Variants in ANKRD39 observed in about 807,000 individuals in gnomAD.
ANKRD39 encodes the protein ankyrin repeat domain-containing protein 39.
A neutral mutation model predicts 20.3 loss-of-function variants in ANKRD39; 18 were observed. The observed-to-expected ratio is 0.89, with a 90% CI of 0.61 to 1.32. The LOEUF is 1.32. ANKRD39 is among the 40% of genes most tolerant of loss of function. The pLI, the probability that ANKRD39 is intolerant of heterozygous loss-of-function variation, is 0.00. For missense variants in ANKRD39, 243 were observed against 250.7 expected, an observed-to-expected ratio of 0.97 and a Z score of 0.21; for synonymous variants, 106 against 111.9, an observed-to-expected ratio of 0.95 and a Z score of 0.33.
At chr2:96,855,498 G>A (rs1038360517) in intron 1 of ANKRD39, among the ~76,000 whole-genome samples, 4 of 152,206 alleles carry the variant, frequency 2.6e-5, no homozygotes, top group African/African-American at 9.6e-5. Flanking sequence ...GCCGAGGCGG[G>A]TGGATCACGA....
intron 3 of ANKRD39, among the ~76,000 whole-genome samples, chr2:96,849,752 A>G (rs756781990): frequency 5.3e-5 from 8 of 152,138 alleles, no homozygotes; most frequent in Admixed American, 1.3e-4. Flanking sequence ...TGGCCTCCCA[A>G]AGTGCTGGGA....
intron 3 of ANKRD39, among the ~76,000 whole-genome samples, chr2:96,849,759 G>C (rs899859140): frequency 6.6e-6 from 1 of 152,154 alleles, no homozygotes; most frequent in Non-Finnish European, 1.5e-5. Flanking sequence ...CCAAAGTGCT[G>C]GGATTATAGG....
At chr2:96,857,650 A>C (rs1574137742) in intron 1 of ANKRD39, among the ~76,000 whole-genome samples, 1 of 152,208 alleles carries the variant, frequency 6.6e-6, no homozygotes, top group Admixed American at 6.5e-5. Flanking sequence ...GGTTACGGAA[A>C]CCAGTGCTTC....
rs897352200 is a variant in ANKRD39 at position 96,848,017 on chromosome 2, G to T, written c.*284C>A. The T allele has an allele frequency of 7.5e-5, 21 of 279,720 alleles. No homozygotes were observed. Among genetic ancestry groups the T allele is most frequent in the African/African-American group, 4.3e-4 (20 of 46,776 alleles). The allele number at this position is 279,720 out of a possible 1,614,324, so 17.3% of individuals were successfully genotyped here. ...TTTTTATATTTAGATCTTTAATCTT[G>T]CAATTTATCTTTGGGTGTGGGATGA... On this transcript the variant is annotated 3_prime_UTR_variant, in exon 4 of 4. Coordinates refer to ENST00000393537, the MANE Select transcript of ANKRD39 (RefSeq NM_016466.6).
chr2:96,853,352 A>C (rs1447127731), intron 3 of ANKRD39, 49 bp downstream of exon 3: 1 of 1,531,890 alleles, frequency 6.5e-7, no homozygotes, highest in Non-Finnish European at 8.9e-7. Flanking sequence ...AACATGTTAT[A>C]ACTTTAAAAA....
chr2:96,850,073 C>G (rs1474341137), intron 3 of ANKRD39, among the ~76,000 whole-genome samples: 2 of 152,226 alleles, frequency 1.3e-5, no homozygotes, highest in Non-Finnish European at 1.5e-5. Context: ...GATTCTAAAC[C>G]AGGTTTGCCT....
intron 1 of ANKRD39, among the ~76,000 whole-genome samples, chr2:96,857,603 T>C (rs1273029309): frequency 6.6e-6 from 1 of 152,248 alleles, no homozygotes; most frequent in Non-Finnish European, 1.5e-5. Flanking sequence ...AGCAGGCTTG[T>C]GTCTCCCAGG....
At chr2:96,851,499 C>T (rs1432790987) in intron 3 of ANKRD39, among the ~76,000 whole-genome samples, 3 of 152,098 alleles carry the variant, frequency 2.0e-5, no homozygotes, top group Non-Finnish European at 2.9e-5. Flanking sequence ...CCATGTTGCC[C>T]AGCCTGGTCT....
chr2:96,851,640 T>C (rs548608119), intron 3 of ANKRD39, among the ~76,000 whole-genome samples: 19 of 152,272 alleles, frequency 1.2e-4, no homozygotes, highest in Admixed American at 1.1e-3. Context: ...TCTACTGAGA[T>C]ACGCAGACCC....
chr2:96,849,400 A>G (rs1221178942), intron 3 of ANKRD39, among the ~76,000 whole-genome samples: 1 of 152,188 alleles, frequency 6.6e-6, no homozygotes, highest in Non-Finnish European at 1.5e-5. Flanking sequence ...CTGTAATCCC[A>G]GCACTTTGGG....
intron 1 of ANKRD39, among the ~76,000 whole-genome samples, chr2:96,856,813 G>C (rs1019490385): frequency 6.6e-6 from 1 of 152,204 alleles, no homozygotes; most frequent in Non-Finnish European, 1.5e-5. Context: ...CTAGCTTAAC[G>C]GTTGTAGGAA....
intron 2 of ANKRD39, 45 bp from the exon 3 acceptor site, chr2:96,853,649 G>A: frequency 6.3e-7 from 1 of 1,584,398 alleles, no homozygotes; most frequent in Non-Finnish European, 8.6e-7. Flanking sequence ...AGCCAGGCAG[G>A]TGACAAGGGT....
intron 2 of ANKRD39, 152 bp from the exon 3 acceptor site, chr2:96,853,756 G>C: frequency 3.0e-6 from 2 of 667,468 alleles, no homozygotes; most frequent in South Asian, 1.9e-5. Flanking sequence ...AAGCTTCTGC[G>C]TGACTAACCT....
rs772074637 is a variant in ANKRD39 at position 96,848,333 on chromosome 2, T to TG, written c.519dup (p.Asn174GlnfsTer3). 1 of 1,614,134 alleles carries TG rather than the reference T, an allele frequency of 6.2e-7. No individual in the cohort carries two copies. The highest frequency in any genetic ancestry group is 2.2e-5 in the East Asian group (1 of 44,874). ...GATAGCAGGTCCCGCAGGTCACTGT[T>TG]GCAAGGCAGCAGGTCACATGCTAGC... On this transcript the variant is annotated frameshift_variant, in exon 4 of 4. Coordinates refer to ENST00000393537, the MANE Select transcript of ANKRD39 (RefSeq NM_016466.6). LOFTEE classifies it high-confidence loss of function.
chr2:96,853,670 T>A, intron 2 of ANKRD39, 66 bp from the exon 3 acceptor site: 1 of 1,504,194 alleles, frequency 6.6e-7, no homozygotes, highest in Non-Finnish European at 9.1e-7. Flanking sequence ...GGTATAGAGG[T>A]GAGAGCATGG....
intron 1 of ANKRD39, among the ~76,000 whole-genome samples, chr2:96,856,059 T>C (rs2079861837): frequency 6.6e-6 from 1 of 152,256 alleles, no homozygotes; most frequent in Non-Finnish European, 1.5e-5. Flanking sequence ...CAGTTTCTTT[T>C]ATTTGTGACA....
chr2:96,857,835 C>T (rs1574137854), intron 1 of ANKRD39, 53 bp downstream of exon 1: 1 of 1,518,322 alleles, frequency 6.6e-7, no homozygotes, highest in African/African-American at 1.4e-5. Context: ...CCCCACGCCT[C>T]CTCCTTGGGC....
Position 96,854,488 on chromosome 2 carries a change from C to T in ANKRD39, c.101-47G>A, listed in dbSNP as rs767969196. ...ACTGAATGATGCTGAATGGGAGTTT[C>T]AGTGCTTGCTTTGCCTCTTGACCTC... is the stretch of plus-strand genomic sequence containing the variant. On this transcript the variant is annotated intron_variant, in intron 1 of 3. Coordinates refer to ENST00000393537, the MANE Select transcript of ANKRD39 (RefSeq NM_016466.6). The T allele has an allele frequency of 2.5e-6, 4 of 1,579,542 alleles. No homozygotes were observed. In the East Asian group the frequency reaches 9.0e-5, roughly 35 times the overall value.
At chr2:96,848,476 T>C in intron 3 of ANKRD39, 32 bp from the exon 4 acceptor site, 1 of 1,612,110 alleles carries the variant, frequency 6.2e-7, no homozygotes, top group Non-Finnish European at 8.5e-7. Context: ...TCAAAGGGCA[T>C]ACCCCCCCAC....
Sources: gnomAD v4.1 joint callset for allele counts (sites outside exome capture counted in the v4.1 genomes callset) on GRCh38, gnomAD v4.1.1 for gene constraint, MANE v1.5 for transcripts, NCBI Gene and HGNC (gene_info 2026-07-23, HGNC 2026-07-21) for gene names.